CADPS: variants seen among roughly 807,000 people sequenced by gnomAD.
CADPS encodes the protein calcium dependent secretion activator.
Under a neutral mutation model 167.3 loss-of-function variants are expected in CADPS, and 57 were observed. The observed-to-expected ratio is 0.34, with a 90% confidence interval of 0.28 to 0.42. CADPS has a LOEUF of 0.42. CADPS is among the 20% of genes least tolerant of loss of function. The pLI is 1.00. For synonymous variants in CADPS, 676 were observed against 635.3 expected, an observed-to-expected ratio of 1.06 and a Z score of -0.96; for missense variants, 1,414 against 1,738.1, an observed-to-expected ratio of 0.81 and a Z score of 3.32.
At chr3:62,757,240 A>G (rs946339330) in intron 2 of CADPS, among the ~76,000 whole-genome samples, 19 of 152,168 alleles carry the variant, frequency 1.2e-4, no homozygotes, top group African/African-American at 4.6e-4. Flanking sequence ...TATCCCACAA[A>G]CCCGAAATGG....
chr3:62,839,382 G>T (rs150937192), intron 1 of CADPS, among the ~76,000 whole-genome samples: 2,106 of 152,150 alleles, frequency 0.014, 37 homozygotes, highest in African/African-American at 0.048. Flanking sequence ...GTAGAAACGG[G>T]GTTTCACCAT....
At chr3:62,627,328 A>G (rs548211097) in intron 6 of CADPS, among the ~76,000 whole-genome samples, 9 of 152,284 alleles carry the variant, frequency 5.9e-5, no homozygotes, top group African/African-American at 2.2e-4. Context: ...TTAATTTTCT[A>G]GTGCTTTAGT....
At chr3:62,664,632 A>G (rs892566696) in intron 3 of CADPS, among the ~76,000 whole-genome samples, 6 of 152,280 alleles carry the variant, frequency 3.9e-5, no homozygotes, top group African/African-American at 1.4e-4. Context: ...CAAATGAAAC[A>G]TTCAACTACT....
chr3:62,766,477 T>C (rs1178240432), intron 1 of CADPS, among the ~76,000 whole-genome samples: 1 of 152,148 alleles, frequency 6.6e-6, no homozygotes, highest in East Asian at 1.9e-4. Context: ...TTGTTAAACA[T>C]GTAACAGCAA....
At chr3:62,620,358 A>T (rs1443879111) in intron 6 of CADPS, among the ~76,000 whole-genome samples, 1 of 152,058 alleles carries the variant, frequency 6.6e-6, no homozygotes. Context: ...TGGAGTTTTT[A>T]CTCCCATCTT....
At chr3:62,443,085 C>G (rs997024100) in intron 27 of CADPS, among the ~76,000 whole-genome samples, 3 of 152,154 alleles carry the variant, frequency 2.0e-5, no homozygotes, top group African/African-American at 7.2e-5. Context: ...CTAATATGCA[C>G]TAAAATAATT....
chr3:62,827,023 C>T (rs1382559177), intron 1 of CADPS, among the ~76,000 whole-genome samples: 1 of 152,122 alleles, frequency 6.6e-6, no homozygotes, highest in Non-Finnish European at 1.5e-5. Flanking sequence ...CAACTGTTAA[C>T]TGCCTGTTAA....
intron 1 of CADPS, among the ~76,000 whole-genome samples, chr3:62,774,628 G>A (rs886267907): frequency 5.3e-5 from 8 of 152,172 alleles, no homozygotes; most frequent in African/African-American, 1.4e-4. Flanking sequence ...CCCATCATAT[G>A]TTAAACTGAA....
intron 1 of CADPS, among the ~76,000 whole-genome samples, chr3:62,781,988 T>C (rs1194921867): frequency 2.0e-5 from 3 of 152,222 alleles, no homozygotes; most frequent in African/African-American, 7.2e-5. Flanking sequence ...TAAATATCAA[T>C]TTCTAGTCAC....
intron 3 of CADPS, among the ~76,000 whole-genome samples, chr3:62,694,638 T>C (rs2079925426): frequency 6.6e-6 from 1 of 152,110 alleles, no homozygotes; most frequent in African/African-American, 2.4e-5. Context: ...ACTCACAGAA[T>C]GCCTGATCCA....
intron 1 of CADPS, among the ~76,000 whole-genome samples, chr3:62,799,799 C>A (rs891240361): frequency 1.3e-5 from 2 of 152,050 alleles, no homozygotes; most frequent in Admixed American, 6.6e-5. Context: ...CTGTTACCAC[C>A]ACCACCACCA....
intron 26 of CADPS, among the ~76,000 whole-genome samples, chr3:62,447,236 A>G (rs1027156247): frequency 5.3e-5 from 8 of 152,198 alleles, no homozygotes; most frequent in Non-Finnish European, 1.0e-4. Context: ...CAGGGCTGAA[A>G]GCTTGGTGAA....
intron 1 of CADPS, among the ~76,000 whole-genome samples, chr3:62,785,565 A>G (rs1416592891): frequency 6.6e-6 from 1 of 152,202 alleles, no homozygotes; most frequent in Admixed American, 6.5e-5. Flanking sequence ...ATGTAATGTG[A>G]TACTGTTAAA....
intron 1 of CADPS, among the ~76,000 whole-genome samples, chr3:62,782,089 G>A (rs1351377610): frequency 3.3e-5 from 5 of 152,126 alleles, no homozygotes; most frequent in Admixed American, 3.3e-4. Context: ...AAGGACAGAC[G>A]CATCATTCTG....
chr3:62,533,624 C>A (rs920454855), intron 12 of CADPS, among the ~76,000 whole-genome samples: 1 of 152,178 alleles, frequency 6.6e-6, no homozygotes, highest in African/African-American at 2.4e-5. Context: ...AGGCAGGACT[C>A]AAATCCAGCT....
chr3:62,769,756 T>C (rs1397234375), intron 1 of CADPS, among the ~76,000 whole-genome samples: 1 of 152,164 alleles, frequency 6.6e-6, no homozygotes, highest in East Asian at 1.9e-4. Context: ...GGCAGAATCA[T>C]GAGTCAGGAG....
chr3:62,527,353 C>T (rs2072545526), intron 13 of CADPS, among the ~76,000 whole-genome samples: 1 of 152,064 alleles, frequency 6.6e-6, no homozygotes, highest in Non-Finnish European at 1.5e-5. Flanking sequence ...TTAATAATAT[C>T]CCTAGCCTCT....
At chr3:62,769,401 T>G (rs1396557825) in intron 1 of CADPS, among the ~76,000 whole-genome samples, 1 of 151,888 alleles carries the variant, frequency 6.6e-6, no homozygotes, top group East Asian at 1.9e-4. Flanking sequence ...CTGGCTAATT[T>G]TTGTATTTTT....
At chr3:62,513,796 C>T (rs199648828) in intron 16 of CADPS, 1 of 786,130 alleles carries the variant, frequency 1.3e-6, no homozygotes, top group Non-Finnish European at 2.1e-6. Context: ...TACATTAGCT[C>T]AAAGGAAAAT....
Sources: allele counts gnomAD v4.1 joint callset (sites outside exome capture counted in the v4.1 genomes callset), GRCh38; gene constraint gnomAD v4.1.1; transcripts MANE v1.5; gene names NCBI Gene and HGNC (gene_info 2026-07-23, HGNC 2026-07-21).